TRIM3: variants seen among roughly 807,000 people sequenced by gnomAD.
TRIM3 encodes tripartite motif containing 3.
In TRIM3, 13 loss-of-function variants were observed where a neutral mutation model predicts 66.6. The observed-to-expected ratio is 0.20, with a 90% confidence interval of 0.13 to 0.31. The LOEUF is 0.31. Ranked by LOEUF, TRIM3 falls within the 10% of genes least tolerant of loss-of-function variation. The pLI is 1.00. For missense variants in TRIM3, 711 were observed against 1,020.4 expected (o/e 0.70, Z 4.13); for synonymous variants, 406 against 411.7 (o/e 0.99, Z 0.17).
At position 6,457,877 on chromosome 11, in the gene TRIM3, G is replaced by A. The variant is rs759608189; in HGVS notation, c.364-30C>T. On this transcript the variant is annotated intron_variant, in intron 3 of 11. Transcript: ENST00000345851. This position sits in a 1 kb window ranked among gnomAD's most constrained non-coding sequence, Gnocchi z 4.5. ...GGTACAAGGACTCCAGTCGGGTAAT[G>A]GCTAGACATCACACTTCTTTGTCCC... The A allele has an allele frequency of 3.7e-6, 6 of 1,613,236 alleles. No individual in the cohort carries two copies. The Admixed American group carries it at 8.3e-5, about 22-fold the overall frequency.
Position 6,449,231 on chromosome 11 carries a change from G to A in TRIM3, c.2083-51C>T. ...GAGAGGCAAGATCAGGCAGATGAGA[G>A]TCTGTTTTGGGGGAACGGGCATATG... is the stretch of plus-strand genomic sequence containing the variant. On this transcript the variant is annotated intron_variant, in intron 11 of 11. Coordinates refer to ENST00000345851, the MANE Select transcript of TRIM3 (RefSeq NM_033278.4). This position sits in a 1 kb window ranked among gnomAD's most constrained non-coding sequence, Gnocchi z 5.3. 1 of 1,610,380 alleles carries A rather than the reference G, an allele frequency of 6.2e-7. No homozygotes were observed. Among genetic ancestry groups the A allele is most frequent in the Non-Finnish European group, 8.5e-7 (1 of 1,176,754 alleles).
At position 6,457,168 on chromosome 11, in the gene TRIM3, G is replaced by A. The variant is rs113790992; in HGVS notation, c.696+128C>T. 94 of 1,515,832 alleles carry A rather than the reference G, an allele frequency of 6.2e-5. No homozygotes were observed. In the African/African-American group the frequency reaches 1.1e-3, roughly 18 times the overall value. The allele number at this position is 1,515,832 out of a possible 1,614,324, so 93.9% of individuals were successfully genotyped here. A position where few individuals can be genotyped will look rare whatever the true frequency, so the allele number is the denominator to read the frequency against. On this transcript the variant is annotated intron_variant, in intron 5 of 11. Transcript: ENST00000345851. The surrounding 1 kb of genome is among the most constrained non-coding windows in gnomAD (Gnocchi z 4.5). ...GACACAGATGCCCACAGCACCTACC[G>A]AGGGCATGTCAGGAGGCAGAATATC... is the stretch of plus-strand genomic sequence containing the variant.
rs2306897 is a variant in TRIM3, at chr11:6,450,903, C to T, written c.1859G>A (p.Arg620His). The stretch of plus-strand genomic sequence containing the variant: ...CTGTCCCCCTATACCTGCAAAGTGG[C>T]GGTCAGTGGCCCCACGGCCCCCAAA... The part of the protein sequence containing the change: ...GRFGGRGATD[R>H]HFAGPHFVAV... The change falls in exon 9 of 12, where the codon CGC becomes CAC. Residue 620 changes from arginine to histidine, a missense_variant. Around this residue, in one of 3 missense-constraint regions of TRIM3, gnomAD observed 163 missense variants for 321.9 expected, o/e 0.51. Coordinates refer to ENST00000345851, the MANE Select transcript of TRIM3 (RefSeq NM_033278.4). The surrounding 1 kb of genome is among the most constrained non-coding windows in gnomAD (Gnocchi z 4.8). 52 of 1,614,004 alleles carry T rather than the reference C, an allele frequency of 3.2e-5. No homozygotes were observed. The highest frequency in any genetic ancestry group is 7.7e-5 in the South Asian group (7 of 91,082).
chr11:6,457,997 AC>A lies in TRIM3; in HGVS notation c.363+67del, dbSNP rs1193626609. 4.5e-6 allele frequency: 7 copies of A among 1,540,428 alleles called. No homozygotes were observed. The highest frequency in any genetic ancestry group is 1.7e-4 in the Middle Eastern group (1 of 5,756). On this transcript the variant is annotated intron_variant, in intron 3 of 11. Coordinates refer to ENST00000345851, the MANE Select transcript of TRIM3 (RefSeq NM_033278.4). The surrounding 1 kb of genome is among the most constrained non-coding windows in gnomAD (Gnocchi z 4.5). Reference sequence around the variant, plus strand: ...GTACCCTGTCACCCAGCCACTCGGCACCCCCCAATGCCTCTCCTCCTCCTCC... The same window carrying A: ...GTACCCTGTCACCCAGCCACTCGGCACCCCCAATGCCTCTCCTCCTCCTCC...
At chr11:6,472,061 C>T (rs1850706830) in intron 1 of TRIM3, among the ~76,000 whole-genome samples, 1 of 152,166 alleles carries the variant, frequency 6.6e-6, no homozygotes, top group South Asian at 2.1e-4. Flanking sequence ...TCAATTACAC[C>T]TTTTCTTTCA....
At chr11:6,470,997 G>A (rs1201226894) in intron 1 of TRIM3, among the ~76,000 whole-genome samples, 9 of 152,168 alleles carry the variant, frequency 5.9e-5, no homozygotes, top group Admixed American at 1.3e-4. Flanking sequence ...CAGAGCATGT[G>A]GTTTTCAGGG....
At chr11:6,463,666 A>C (rs1460068164) in intron 2 of TRIM3, among the ~76,000 whole-genome samples, 1 of 152,200 alleles carries the variant, frequency 6.6e-6, no homozygotes, top group African/African-American at 2.4e-5. Context: ...TATTGTATCG[A>C]AAGTGGTGTA....
chr11:6,466,543 T>G (rs1850477620), intron 1 of TRIM3, among the ~76,000 whole-genome samples: 1 of 152,132 alleles, frequency 6.6e-6, no homozygotes, highest in African/African-American at 2.4e-5. Context: ...GCCCCATACC[T>G]TTTCTACAAC....
At chr11:6,464,847 C>T (rs1431769747) in intron 2 of TRIM3, among the ~76,000 whole-genome samples, 5 of 151,938 alleles carry the variant, frequency 3.3e-5, no homozygotes, top group Non-Finnish European at 5.9e-5. Context: ...GTTAGCTGGG[C>T]GTGGCGGCGT....
chr11:6,456,014 A>C lies in TRIM3; in HGVS notation c.1533+58T>G. 6.6e-7 allele frequency: 1 copy of C among 1,521,054 alleles called. No homozygotes were observed. The highest frequency in any genetic ancestry group is 1.7e-5 in the Admixed American group (1 of 59,644). 94.2% of individuals were successfully genotyped at this position (1,521,054 alleles called of 1,614,324 possible). ...GACCTGTACATTCTATCTTTTCAGT[A>C]GCCTGTAGCTTGAAAACTCTTATTT... On this transcript the variant is annotated intron_variant, in intron 7 of 11. Coordinates refer to ENST00000345851, the MANE Select transcript of TRIM3 (RefSeq NM_033278.4). The surrounding 1 kb of genome is among the most constrained non-coding windows in gnomAD (Gnocchi z 6.4).
In TRIM3 at chr11:6,451,262, G is replaced by A. The variant is rs1285629492; in HGVS notation, c.1701+9C>T. ...ACCAGGGTAAGTAAAGTGACAGCAG[G>A]CCTCTCACCTTGAACTTGCCCTCAG... On this transcript the variant is annotated intron_variant, in intron 8 of 11. Coordinates refer to ENST00000345851, the MANE Select transcript of TRIM3 (RefSeq NM_033278.4). 6.2e-7 allele frequency: 1 copy of A among 1,613,840 alleles called. No individual in the cohort carries two copies. The highest frequency in any genetic ancestry group is 8.5e-7 in the Non-Finnish European group (1 of 1,179,936).
Position 6,455,947 on chromosome 11 carries a change from TA to T in TRIM3, c.1533+124del, listed in dbSNP as rs1397179156. Reference sequence around the variant, plus strand: ...GGGTGATCCTTTGATTCACTGCTCTTAAGGAACGGTACTATCTGTAGGGTTC... The same window carrying T: ...GGGTGATCCTTTGATTCACTGCTCTTAGGAACGGTACTATCTGTAGGGTTC... On this transcript the variant is annotated intron_variant, in intron 7 of 11. Transcript: ENST00000345851. 530 of 605,190 alleles carry T rather than the reference TA, an allele frequency of 8.8e-4. 5 individuals are homozygous for T. Among genetic ancestry groups the T allele is most frequent in the Non-Finnish European group, 3.5e-4 (136 of 390,548 alleles). The allele number at this position is 605,190 out of a possible 1,614,324, so 37.5% of individuals were successfully genotyped here.
At position 6,456,867 on chromosome 11, in the gene TRIM3, G is replaced by C; in HGVS notation, c.859C>G (p.Pro287Ala). 6.2e-7 allele frequency: 1 copy of C among 1,612,670 alleles called. No individual in the cohort carries two copies. Among genetic ancestry groups the C allele is most frequent in the African/African-American group, 1.3e-5 (1 of 75,078 alleles). Residue 287 changes from proline to alanine, a missense_variant, in exon 6 of 12, where the codon CCG (proline) becomes GCG (alanine). Coordinates refer to ENST00000345851, the MANE Select transcript of TRIM3 (RefSeq NM_033278.4). This position sits in a 1 kb window ranked among gnomAD's most constrained non-coding sequence, Gnocchi z 6.4. Reference sequence around the variant, plus strand: ...TGTGCATTCTCATGTGGCCGCTCCGGGAAGGCCTGTGCCGCCAATGCAGCC... The same window carrying C: ...TGTGCATTCTCATGTGGCCGCTCCGCGAAGGCCTGTGCCGCCAATGCAGCC... ...RLAALAAQAF[P>A]ERPHENAQLE...
rs1487879545 is a variant in TRIM3, at chr11:6,461,476, A to AC, written c.132-3181dup. ...TCTTGGCTCACTCTCTTCTTCCATT[A>AC]CCCCCCGCACCACTCTGCCATCATT... On this transcript the variant is annotated intron_variant, in intron 2 of 11. Coordinates refer to ENST00000345851, the MANE Select transcript of TRIM3 (RefSeq NM_033278.4). Among the ~76,000 whole-genome samples, 188 of 134,576 alleles carry AC rather than the reference A, an allele frequency of 1.4e-3. 1 individual carries two copies. Among genetic ancestry groups the AC allele is most frequent in the Admixed American group, 2.2e-3 (30 of 13,498 alleles). The allele number at this position is 134,576 out of a possible 152,430, so 88.3% of individuals were successfully genotyped here.
chr11:6,462,226 C>T (rs1395691915), intron 2 of TRIM3, among the ~76,000 whole-genome samples: 1 of 116,056 alleles, frequency 8.6e-6, no homozygotes, highest in Non-Finnish European at 2.0e-5. Flanking sequence ...TTAATACAAG[C>T]TGCAGCTCTC....
chr11:6,451,091 T>C (rs766563497), intron 8 of TRIM3, 31 bp from the exon 9 acceptor site: 3 of 1,611,204 alleles, frequency 1.9e-6, no homozygotes, highest in Non-Finnish European at 2.5e-6. Flanking sequence ...TAAGAGGCTT[T>C]ATTCTGACAG....
At chr11:6,470,601 T>C (rs1850646664) in intron 1 of TRIM3, among the ~76,000 whole-genome samples, 1 of 152,122 alleles carries the variant, frequency 6.6e-6, no homozygotes, top group African/African-American at 2.4e-5. Context: ...GAATCTGAGG[T>C]GCCTATGGGA....
rs1350595913 is a variant in TRIM3, at chr11:6,456,722, G to A, written c.1004C>T (p.Ala335Val). The A allele has an allele frequency of 3.7e-6, 6 of 1,608,654 alleles. No homozygotes were observed. The highest frequency in any genetic ancestry group is 1.1e-5 in the South Asian group (1 of 91,022). The change falls in exon 6 of 12, where the codon GCG (alanine) becomes GTG (valine). Residue 335 changes from alanine (A) to valine (V), a missense_variant. Around this residue, in one of 3 missense-constraint regions of TRIM3, gnomAD observed 399 missense variants for 458.1 expected, o/e 0.87. Transcript: ENST00000345851. This position sits in a 1 kb window ranked among gnomAD's most constrained non-coding sequence, Gnocchi z 6.4. ...GAGCGAGGCAGGCTGGCCCACTAGC[G>A]CCTGGCGCAGGCCCTCTCCCGTGGC... The part of the protein sequence containing the change: ...TVATGEGLRQ[A>V]LVGQPASLTV...
chr11:6,449,157 G>A lies in TRIM3; in HGVS notation c.2106C>T (p.Phe702=). The A allele has an allele frequency of 6.2e-7, 1 of 1,614,182 alleles. No individual in the cohort carries two copies. Among genetic ancestry groups the A allele is most frequent in the South Asian group, 1.1e-5 (1 of 91,090 alleles). Residue 702 remains phenylalanine (F), a synonymous_variant, in exon 12 of 12, where the codon TTC becomes TTT. Transcript: ENST00000345851. The surrounding 1 kb of genome is among the most constrained non-coding windows in gnomAD (Gnocchi z 5.3). ...CTGCAGATGTGTTGATATAGGACAG[G>A]AAGGAGCCAGAGCTGTCGAATACCT... ...RIQVFDSSGS[F]LSYINTSAEP...
Sources: gnomAD v4.1 joint callset for allele counts (sites outside exome capture counted in the v4.1 genomes callset) on GRCh38, gnomAD v4.1.1 for gene constraint, gnomAD v4.1.1 regional missense constraint, Gnocchi (gnomAD v3.1) non-coding constraint, MANE v1.5 for transcripts, NCBI Gene and HGNC (gene_info 2026-07-23, HGNC 2026-07-21) for gene names.